Variants in BCAS3 observed in about 807,000 individuals in gnomAD.
BCAS3 encodes the protein BCAS4/BCAS3 fusion.
A neutral mutation model predicts 116.1 loss-of-function variants in BCAS3; 53 were observed. The observed-to-expected ratio is 0.46, with a 90% CI of 0.37 to 0.57. The LOEUF is 0.57. BCAS3 is among the 20% of genes least tolerant of loss of function. The pLI is 0.00. For missense variants in BCAS3, 917 were observed against 1,165.4 expected (o/e 0.79, Z 3.10); for synonymous variants, 391 against 408.2 (o/e 0.96, Z 0.51).
At chr17:61,351,707 C>G (rs748625285) in intron 22 of BCAS3, among the ~76,000 whole-genome samples, 1 of 152,224 alleles carries the variant, frequency 6.6e-6, no homozygotes, top group Non-Finnish European at 1.5e-5. Flanking sequence ...ATCTCTCCCC[C>G]TTCCGCATCT....
intron 22 of BCAS3, among the ~76,000 whole-genome samples, chr17:61,255,107 T>A (rs1476834809): frequency 1.3e-5 from 2 of 152,198 alleles, no homozygotes; most frequent in Non-Finnish European, 2.9e-5. Flanking sequence ...GCTGTAATTG[T>A]CACAGGGAGA....
chr17:61,089,970 G>A (rs1418485931), intron 22 of BCAS3, among the ~76,000 whole-genome samples: 1 of 152,138 alleles, frequency 6.6e-6, no homozygotes, highest in Non-Finnish European at 1.5e-5. Context: ...ATTAGTGAGA[G>A]ACATTGTTCA....
intron 14 of BCAS3, among the ~76,000 whole-genome samples, chr17:60,950,895 A>G (rs902982370): frequency 6.6e-6 from 1 of 152,060 alleles, no homozygotes; most frequent in Non-Finnish European, 1.5e-5. Flanking sequence ...GACTTGATTT[A>G]TTGTTCGTTT....
At chr17:61,250,973 ACC>A (rs1051457875) in intron 22 of BCAS3, among the ~76,000 whole-genome samples, 4 of 152,090 alleles carry the variant, frequency 2.6e-5, no homozygotes, top group African/African-American at 7.2e-5. Flanking sequence ...AAGACTATGG[ACC>A]CCTTGGGAGA....
intron 6 of BCAS3, among the ~76,000 whole-genome samples, chr17:60,793,963 G>A (rs920441144): frequency 2.0e-4 from 31 of 152,174 alleles, no homozygotes; most frequent in African/African-American, 7.5e-4. Context: ...TCTACTTTTA[G>A]TTCTTTAAGG....
Position 61,171,527 on chromosome 17 carries a change from CACCT to C in BCAS3, c.2425+86966_2425+86969del, listed in dbSNP as rs1745309101. Among the ~76,000 whole-genome samples the C allele has an allele frequency of 6.6e-6, 1 of 152,166 alleles. No homozygotes were observed. The highest frequency in any genetic ancestry group is 2.1e-4 in the South Asian group (1 of 4,830). Reference sequence around the variant, plus strand: ...AAGATTGGATAAAAAAGGCAAGAATCACCTACATCTTGCCCATAAAAATCTCACC... The same window carrying C: ...AAGATTGGATAAAAAAGGCAAGAATCACATCTTGCCCATAAAAATCTCACC... On this transcript the variant is annotated intron_variant, in intron 22 of 23. Transcript: ENST00000407086. The surrounding 1 kb of genome is among the most constrained non-coding windows in gnomAD (Gnocchi z 4.1).
chr17:61,101,450 G>T (rs2074324299), intron 22 of BCAS3, among the ~76,000 whole-genome samples: 1 of 152,116 alleles, frequency 6.6e-6, no homozygotes, highest in African/African-American at 2.4e-5. Flanking sequence ...GGGAGTGGGG[G>T]AGTGCAAGGC....
At chr17:60,782,140 G>T (rs958137689) in intron 6 of BCAS3, among the ~76,000 whole-genome samples, 5 of 152,044 alleles carry the variant, frequency 3.3e-5, no homozygotes, top group Non-Finnish European at 7.4e-5. Flanking sequence ...AGTTATTACT[G>T]AGGAGATATG....
In BCAS3 at chr17:61,353,072, G is replaced by T. The variant is rs889409683; in HGVS notation, c.2426-15255G>T. Among the ~76,000 whole-genome samples the T allele has an allele frequency of 2.6e-5, 4 of 152,164 alleles. No individual in the cohort carries two copies. The South Asian group carries it at 6.2e-4, about 24-fold the overall frequency. On this transcript the variant is annotated intron_variant, in intron 22 of 23. Transcript: ENST00000407086. ...GGGAGGAGAGGAAAGGGAGACATCA[G>T]TTGAATGTCTGCTGGATAGACAAGC... is the stretch of plus-strand genomic sequence containing the variant.
chr17:60,759,647 T>TTTTTTTTTTTTTTTA (rs1568185917), intron 6 of BCAS3, among the ~76,000 whole-genome samples: 1 of 147,544 alleles, frequency 6.8e-6, no homozygotes, highest in Non-Finnish European at 1.5e-5. Context: ...TTTTTTTTTT[T>TTTTTTTTTTTTTTTA]ACTGTTTTTG....
At chr17:61,254,099 G>A (rs1356101272) in intron 22 of BCAS3, among the ~76,000 whole-genome samples, 1 of 152,150 alleles carries the variant, frequency 6.6e-6, no homozygotes, top group East Asian at 1.9e-4. Flanking sequence ...ATGGAGACAA[G>A]CCCGAGGAAA....
intron 6 of BCAS3, among the ~76,000 whole-genome samples, chr17:60,757,775 C>T (rs7503091): frequency 0.73 from 110,362 of 152,000 alleles, 45,763 homozygotes; most frequent in South Asian, 0.98. Context: ...TATAGTCCTA[C>T]ATGTATATTT....
chr17:60,741,868 GAA>G (rs1404143086), intron 5 of BCAS3, among the ~76,000 whole-genome samples: 1 of 152,066 alleles, frequency 6.6e-6, no homozygotes, highest in African/African-American at 2.4e-5. Flanking sequence ...ATATCCAAGA[GAA>G]ATACATATAC....
Position 61,159,994 on chromosome 17 carries a change from ATT to A in BCAS3, c.2425+75442_2425+75443del, listed in dbSNP as rs5821306. 8.2e-3 allele frequency among the ~76,000 whole-genome samples: 1,208 copies of A among 147,046 alleles called. 8 individuals are homozygous for A. Among genetic ancestry groups the A allele is most frequent in the Non-Finnish European group, 0.012 (832 of 66,634 alleles). On this transcript the variant is annotated intron_variant, in intron 22 of 23. Coordinates refer to ENST00000407086, the MANE Select transcript of BCAS3 (RefSeq NM_017679.5). ...AAAAAATATGTGGTTGGCATCTTTG[ATT>A]TTTTTTTTTTTGTAGTGACAGTCTC... is the stretch of plus-strand genomic sequence containing the variant.
At chr17:61,340,427 G>A (rs889962257) in intron 22 of BCAS3, among the ~76,000 whole-genome samples, 3 of 152,116 alleles carry the variant, frequency 2.0e-5, no homozygotes, top group African/African-American at 4.8e-5. Flanking sequence ...CACTGAAAGC[G>A]AGAATGGTGG....
chr17:60,744,085 C>T (rs1023151167), intron 5 of BCAS3, among the ~76,000 whole-genome samples: 1 of 152,304 alleles, frequency 6.6e-6, no homozygotes, highest in South Asian at 2.1e-4. Context: ...AAGGCAGAGA[C>T]CATGAGGAGC....
chr17:61,072,894 A>G (rs1343330811), intron 19 of BCAS3, among the ~76,000 whole-genome samples: 2 of 152,082 alleles, frequency 1.3e-5, no homozygotes, highest in South Asian at 4.1e-4. Context: ...TTTGCATAAC[A>G]TATTACCTCA....
intron 2 of BCAS3, among the ~76,000 whole-genome samples, chr17:60,681,983 G>T (rs1451747855): frequency 1.3e-5 from 2 of 152,162 alleles, no homozygotes; most frequent in Admixed American, 1.3e-4. Context: ...GCCTGCCTCA[G>T]CCTCCCAAAG....
At chr17:61,246,230 C>T (rs994383886) in intron 22 of BCAS3, among the ~76,000 whole-genome samples, 2 of 151,964 alleles carry the variant, frequency 1.3e-5, no homozygotes, top group Non-Finnish European at 2.9e-5. Context: ...CTTGTAATCC[C>T]AGCACTTTGG....
Sources: allele counts gnomAD v4.1 joint callset (sites outside exome capture counted in the v4.1 genomes callset), GRCh38; gene constraint gnomAD v4.1.1; non-coding constraint Gnocchi (gnomAD v3.1); transcripts MANE v1.5; gene names NCBI Gene and HGNC (gene_info 2026-07-23, HGNC 2026-07-21).